PIK3C2G: variants seen among roughly 807,000 people sequenced by gnomAD.
PIK3C2G encodes the protein phosphatidylinositol 3-kinase C2 domain-containing subunit gamma.
In PIK3C2G, 168 loss-of-function variants were observed where a neutral mutation model predicts 181.1. That is an observed-to-expected ratio of 0.93 (90% CI 0.82 to 1.05). PIK3C2G has a LOEUF of 1.05. PIK3C2G is among the 50% of genes least tolerant of loss of function. PIK3C2G has a pLI of 0.00. For synonymous variants in PIK3C2G, 573 were observed against 592.2 expected (o/e 0.97, Z 0.47); for missense variants, 1,869 against 1,732.8 (o/e 1.08, Z -1.40).
At chr12:18,615,457 A>G (rs1417838877) in intron 31 of PIK3C2G, among the ~76,000 whole-genome samples, 1 of 148,046 alleles carries the variant, frequency 6.8e-6, no homozygotes, top group Non-Finnish European at 1.5e-5. Flanking sequence ...TATATATATC[A>G]TTTTTTTTCA....
intron 11 of PIK3C2G, among the ~76,000 whole-genome samples, chr12:18,362,518 T>A (rs1192587570): frequency 6.6e-6 from 1 of 152,216 alleles, no homozygotes; most frequent in Non-Finnish European, 1.5e-5. Context: ...GGTTTCTGGT[T>A]TTCTTTCAAA....
intron 18 of PIK3C2G, among the ~76,000 whole-genome samples, chr12:18,436,172 T>A (rs1181735242): frequency 2.0e-5 from 3 of 152,066 alleles, no homozygotes; most frequent in African/African-American, 4.8e-5. Flanking sequence ...CTACTTCACA[T>A]CATTGTTACA....
intron 1 of PIK3C2G, among the ~76,000 whole-genome samples, chr12:18,279,433 G>A (rs1383555856): frequency 6.6e-6 from 1 of 151,854 alleles, no homozygotes; most frequent in Non-Finnish European, 1.5e-5. Context: ...TGCATTATCA[G>A]ACCATTGATA....
At chr12:18,398,068 G>T (rs953122304) in intron 15 of PIK3C2G, among the ~76,000 whole-genome samples, 3 of 152,056 alleles carry the variant, frequency 2.0e-5, no homozygotes, top group African/African-American at 7.2e-5. Flanking sequence ...GGTTCTAAAA[G>T]GTTAATATTT....
chr12:18,321,268 G>A (rs185047618), intron 7 of PIK3C2G, among the ~76,000 whole-genome samples: 70 of 152,286 alleles, frequency 4.6e-4, no homozygotes, highest in African/African-American at 1.6e-3. Flanking sequence ...AAAAATCTCT[G>A]CTGCTGGTTA....
intron 24 of PIK3C2G, among the ~76,000 whole-genome samples, 164 bp downstream of exon 24, chr12:18,505,625 A>C (rs527999582): frequency 3.3e-5 from 5 of 152,318 alleles, no homozygotes; most frequent in African/African-American, 1.2e-4. Context: ...AAAAGTTTTA[A>C]AGTAGATTTT....
intron 11 of PIK3C2G, among the ~76,000 whole-genome samples, chr12:18,361,020 T>C (rs1359449290): frequency 6.6e-6 from 1 of 152,126 alleles, no homozygotes; most frequent in Non-Finnish European, 1.5e-5. Context: ...ATTGATATAT[T>C]GGCCGGCTTG....
chr12:18,483,189 C>A (rs1939722577), intron 18 of PIK3C2G, among the ~76,000 whole-genome samples: 1 of 152,120 alleles, frequency 6.6e-6, no homozygotes, highest in Admixed American at 6.5e-5. Flanking sequence ...GTTTTTAGTT[C>A]CTAAGAACAG....
intron 11 of PIK3C2G, among the ~76,000 whole-genome samples, chr12:18,352,746 T>A (rs1225620933): frequency 6.6e-6 from 1 of 151,864 alleles, no homozygotes; most frequent in Non-Finnish European, 1.5e-5. Flanking sequence ...GGGGATGGAG[T>A]GGGGAGGTAG....
intron 2 of PIK3C2G, 70 bp downstream of exon 2, chr12:18,282,829 T>C: frequency 9.0e-7 from 1 of 1,105,872 alleles, no homozygotes; most frequent in Non-Finnish European, 1.3e-6. Context: ...TTGGGTTAAT[T>C]TGGTAATGAA....
intron 5 of PIK3C2G, among the ~76,000 whole-genome samples, chr12:18,311,460 CTATCTA>C (rs1331226002): frequency 6.6e-6 from 1 of 151,644 alleles, no homozygotes; most frequent in African/African-American, 2.4e-5. Flanking sequence ...ATCTATGTAT[CTATCTA>C]TATCTATATA....
intron 2 of PIK3C2G, chr12:18,285,412 G>C (rs1382131270): frequency 6.6e-6 from 1 of 152,000 alleles, no homozygotes; most frequent in African/African-American, 2.4e-5. Flanking sequence ...CTAGGAAAGA[G>C]TGAAGAGTGA....
At chr12:18,712,908 G>A in the PIK3C2G span, 2 of 1,613,898 alleles carry the variant, frequency 1.2e-6, no homozygotes, top group Non-Finnish European at 1.7e-6. Flanking sequence ...TGAGTGTGTA[G>A]CCATGATATA....
the PIK3C2G span, chr12:18,723,352 A>G: frequency 6.2e-7 from 1 of 1,612,752 alleles, no homozygotes; most frequent in African/African-American, 1.3e-5. Flanking sequence ...CTCAAAAGCA[A>G]TAGCTTTACT....
chr12:18,383,810 T>C (rs1942991843), intron 14 of PIK3C2G, among the ~76,000 whole-genome samples: 1 of 150,484 alleles, frequency 6.6e-6, no homozygotes, highest in Non-Finnish European at 1.5e-5. Context: ...TGGGTTTGGG[T>C]GTTTTTTTTT....
chr12:18,441,876 A>G lies in PIK3C2G; in HGVS notation c.2504+17837A>G, dbSNP rs146522951. Among the ~76,000 whole-genome samples, 1,070 of 152,288 alleles carry G rather than the reference A, an allele frequency of 7.0e-3. 6 individuals carry two copies. Among genetic ancestry groups the G allele is most frequent in the African/African-American group, 0.019 (784 of 41,564 alleles). ...CAAATGCAGCATTGTGAATCATTCT[A>G]TTTAAACTTCTGATTTAACTGTTCT... is the stretch of plus-strand genomic sequence containing the variant. On this transcript the variant is annotated intron_variant, in intron 18 of 32. Coordinates refer to ENST00000538779, the MANE Select transcript of PIK3C2G (RefSeq NM_001288772.2).
chr12:18,293,349 A>G (rs749224271), intron 4 of PIK3C2G, among the ~76,000 whole-genome samples: 2 of 152,196 alleles, frequency 1.3e-5, no homozygotes, highest in Non-Finnish European at 2.9e-5. Flanking sequence ...GTGACAGAAC[A>G]TTGATAAGAA....
chr12:18,503,013 A>G (rs553149252), intron 22 of PIK3C2G, among the ~76,000 whole-genome samples: 1 of 152,320 alleles, frequency 6.6e-6, no homozygotes, highest in African/African-American at 2.4e-5. Context: ...TCTGTTCATC[A>G]TCAACATTGG....
intron 18 of PIK3C2G, among the ~76,000 whole-genome samples, chr12:18,483,583 C>T (rs1249229405): frequency 6.6e-6 from 1 of 151,128 alleles, no homozygotes; most frequent in East Asian, 1.9e-4. Flanking sequence ...AAATATTATA[C>T]TCAAATTGAC....
Sources: allele counts gnomAD v4.1 joint callset (sites outside exome capture counted in the v4.1 genomes callset), GRCh38; gene constraint gnomAD v4.1.1; transcripts MANE v1.5; gene names NCBI Gene and HGNC (gene_info 2026-07-23, HGNC 2026-07-21).